MAGI1: variants seen among roughly 807,000 people sequenced by gnomAD.
The protein encoded by MAGI1 is membrane associated guanylate kinase, WW and PDZ domain containing 1.
A neutral mutation model predicts 139.9 loss-of-function variants in MAGI1; 58 were observed. The ratio of observed to expected loss-of-function variants is 0.41; its 90% confidence interval spans 0.34 to 0.52. The LOEUF (loss-of-function observed/expected upper bound fraction) is 0.52. Ranked by LOEUF, MAGI1 falls within the 20% of genes least tolerant of loss-of-function variation. MAGI1 has a pLI of 0.12. For missense variants in MAGI1, 1,874 were observed against 1,901.6 expected (o/e 0.99, Z 0.27); for synonymous variants, 812 against 737.9 (o/e 1.10, Z -1.63).
chr3:65,879,581 G>C (rs2060245860), intron 1 of MAGI1, among the ~76,000 whole-genome samples: 1 of 152,218 alleles, frequency 6.6e-6, no homozygotes, highest in Admixed American at 6.5e-5. Context: ...CTGGCTGTGT[G>C]TTCTCAGGCA....
chr3:65,570,768 C>A (rs550291516), intron 2 of MAGI1, among the ~76,000 whole-genome samples: 1 of 152,260 alleles, frequency 6.6e-6, no homozygotes, highest in South Asian at 2.1e-4. Context: ...TGGAAAAAAT[C>A]CAGATCATGT....
intron 1 of MAGI1, among the ~76,000 whole-genome samples, chr3:65,757,823 C>T (rs1340188323): frequency 6.6e-6 from 1 of 151,692 alleles, no homozygotes; most frequent in Non-Finnish European, 1.5e-5. Flanking sequence ...TTTCTGCTTT[C>T]TCTGGTTTAT....
intron 1 of MAGI1, among the ~76,000 whole-genome samples, chr3:65,633,668 T>G (rs1462999720): frequency 6.6e-6 from 1 of 152,238 alleles, no homozygotes; most frequent in Admixed American, 6.5e-5. Context: ...GATTTTTTCA[T>G]TATTTACAGC....
intron 2 of MAGI1, among the ~76,000 whole-genome samples, chr3:65,586,445 T>C (rs2081682700): frequency 6.6e-6 from 1 of 152,174 alleles, no homozygotes. Context: ...GATAGTATTA[T>C]TATTCTATAG....
chr3:65,716,534 A>T (rs1046279430), intron 1 of MAGI1, among the ~76,000 whole-genome samples: 2 of 152,212 alleles, frequency 1.3e-5, no homozygotes, highest in Admixed American at 6.5e-5. Flanking sequence ...AACAGTGGGG[A>T]ACAGCAATTC....
chr3:65,862,268 T>C (rs2059581507), intron 1 of MAGI1, among the ~76,000 whole-genome samples: 1 of 152,186 alleles, frequency 6.6e-6, no homozygotes. Flanking sequence ...TTTTTTCTTC[T>C]ATAAAATGGG....
chr3:65,725,243 A>T (rs1315739569), intron 1 of MAGI1, among the ~76,000 whole-genome samples: 1 of 152,156 alleles, frequency 6.6e-6, no homozygotes, highest in Non-Finnish European at 1.5e-5. Flanking sequence ...TAATGTCAGG[A>T]TGTGAAACCA....
At chr3:65,803,017 C>G (rs1264324995) in intron 1 of MAGI1, among the ~76,000 whole-genome samples, 1 of 152,092 alleles carries the variant, frequency 6.6e-6, no homozygotes, top group African/African-American at 2.4e-5. Context: ...GAGGACATTA[C>G]CAGTACTCCC....
At chr3:65,374,957 T>A (rs1942357137) in intron 18 of MAGI1, among the ~76,000 whole-genome samples, 1 of 152,208 alleles carries the variant, frequency 6.6e-6, no homozygotes, top group Non-Finnish European at 1.5e-5. Flanking sequence ...ACACAAACTC[T>A]TAGATTCTCC....
At chr3:65,389,952 A>G (rs1490847019) in intron 14 of MAGI1, among the ~76,000 whole-genome samples, 1 of 152,162 alleles carries the variant, frequency 6.6e-6, no homozygotes, top group Non-Finnish European at 1.5e-5. Flanking sequence ...CTGCCCCCCA[A>G]CTGCTGAGCA....
chr3:65,866,490 G>C (rs938883354), intron 1 of MAGI1, among the ~76,000 whole-genome samples: 11 of 151,946 alleles, frequency 7.2e-5, no homozygotes, highest in African/African-American at 2.7e-4. Context: ...ATCTCAGTAG[G>C]CCTTGAACGA....
At position 65,372,352 on chromosome 3, in the gene MAGI1, G is replaced by C. The variant is rs560531351; in HGVS notation, c.3196+3393C>G. ...AGAAATTTTTTTCCCCTAAGCAGTA[G>C]GTCTCAACAGTGGGCTTAAAATACT... is the stretch of plus-strand genomic sequence containing the variant. On this transcript the variant is annotated intron_variant, in intron 18 of 22. Transcript: ENST00000402939. Among the ~76,000 whole-genome samples the C allele has an allele frequency of 2.6e-5, 4 of 152,288 alleles. No individual in the cohort carries two copies. In the South Asian group the frequency reaches 8.3e-4, roughly 32 times the overall value.
chr3:65,386,247 G>GAAAAA (rs4016249), intron 14 of MAGI1, among the ~76,000 whole-genome samples: 1 of 145,846 alleles, frequency 6.9e-6, no homozygotes. Flanking sequence ...AGGCCACATG[G>GAAAAA]AAAAAAAAAA....
intron 12 of MAGI1, among the ~76,000 whole-genome samples, chr3:65,426,382 G>A (rs183089478): frequency 6.6e-6 from 1 of 152,196 alleles, no homozygotes; most frequent in African/African-American, 2.4e-5. Context: ...TGTCAAAAAC[G>A]AGCTCTAGAG....
intron 1 of MAGI1, among the ~76,000 whole-genome samples, chr3:65,919,473 G>C (rs1252161851): frequency 6.6e-6 from 1 of 151,856 alleles, no homozygotes; most frequent in Non-Finnish European, 1.5e-5. Context: ...TAAGGGGGAG[G>C]ATCTCTTGAG....
intron 1 of MAGI1, among the ~76,000 whole-genome samples, chr3:65,940,841 A>T (rs1180180705): frequency 6.6e-6 from 1 of 152,106 alleles, no homozygotes. Flanking sequence ...GTTTCAGTGG[A>T]AGATCTCTCA....
Position 66,017,157 on chromosome 3 carries a change from T to A in MAGI1, c.313+20839A>T, listed in dbSNP as rs149085748. ...TTACGTATATTTTACCACAATTTTGTTTAAGTCTCATAGAACCTTGCTACG... is the reference window on the plus strand; with the variant it reads ...TTACGTATATTTTACCACAATTTTGATTAAGTCTCATAGAACCTTGCTACG... On this transcript the variant is annotated intron_variant, in intron 1 of 22. Transcript: ENST00000402939. Among the ~76,000 whole-genome samples the A allele has an allele frequency of 4.8e-3, 736 of 152,364 alleles. 7 individuals carry two copies. The highest frequency in any genetic ancestry group is 0.017 in the African/African-American group (693 of 41,586).
intron 1 of MAGI1, among the ~76,000 whole-genome samples, chr3:65,817,092 T>G (rs574411748): frequency 6.6e-6 from 1 of 152,312 alleles, no homozygotes; most frequent in Non-Finnish European, 1.5e-5. Flanking sequence ...CAATAAAAAT[T>G]TGTTTCCTAC....
At chr3:65,879,124 G>C (rs1317940633) in intron 1 of MAGI1, among the ~76,000 whole-genome samples, 1 of 152,034 alleles carries the variant, frequency 6.6e-6, no homozygotes, top group Non-Finnish European at 1.5e-5. Flanking sequence ...ATCCCCACCA[G>C]GCAGGCCCAC....
Sources: gnomAD v4.1 joint callset for allele counts (sites outside exome capture counted in the v4.1 genomes callset) on GRCh38, gnomAD v4.1.1 for gene constraint, MANE v1.5 for transcripts, NCBI Gene and HGNC (gene_info 2026-07-23, HGNC 2026-07-21) for gene names.